Variants in NALCN observed in about 807,000 individuals in gnomAD.
NALCN encodes the protein sodium leak channel NALCN.
NALCN carries 111 observed loss-of-function variants against 225.3 expected under a neutral mutation model. That is an observed-to-expected ratio of 0.49 (90% CI 0.42 to 0.58). The LOEUF is 0.58. Ranked by LOEUF, NALCN falls within the 20% of genes least tolerant of loss-of-function variation. NALCN has a pLI of 0.00. For synonymous variants in NALCN, 764 were observed against 769.0 expected (o/e 0.99, Z 0.11); for missense variants, 1,378 against 2,202.4 (o/e 0.63, Z 7.49).
intron 14 of NALCN, among the ~76,000 whole-genome samples, chr13:101,191,037 G>A (rs1009332351): frequency 6.6e-6 from 1 of 152,036 alleles, no homozygotes; most frequent in Non-Finnish European, 1.5e-5. Flanking sequence ...CTATCTAATC[G>A]GGTGTTCCAA....
chr13:101,267,465 G>A (rs768909733), intron 10 of NALCN, among the ~76,000 whole-genome samples: 8 of 152,160 alleles, frequency 5.3e-5, no homozygotes, highest in Non-Finnish European at 8.8e-5. Context: ...ACACATCCTT[G>A]GCAGTATCCT....
chr13:101,298,068 TCTA>T (rs1432767331), intron 7 of NALCN, among the ~76,000 whole-genome samples: 1 of 152,200 alleles, frequency 6.6e-6, no homozygotes, highest in Non-Finnish European at 1.5e-5. Context: ...CAATGAACTG[TCTA>T]CTGTCAGTCA....
intron 10 of NALCN, among the ~76,000 whole-genome samples, chr13:101,274,196 C>T (rs1198447970): frequency 6.6e-6 from 1 of 152,158 alleles, no homozygotes; most frequent in East Asian, 1.9e-4. Context: ...TAGAACACCT[C>T]TCTCACGTGT....
intron 7 of NALCN, among the ~76,000 whole-genome samples, chr13:101,321,088 G>A (rs2044731996): frequency 6.6e-6 from 1 of 151,768 alleles, no homozygotes; most frequent in Non-Finnish European, 1.5e-5. Flanking sequence ...TTTTTCTTTT[G>A]TCCCACAAGC....
chr13:101,062,182 C>T (rs1290993759), intron 40 of NALCN, 64 bp from the exon 41 acceptor site: 11 of 1,558,572 alleles, frequency 7.1e-6, no homozygotes, highest in African/African-American at 2.7e-5. Flanking sequence ...CCCTTAGATA[C>T]GTCAAAATCC....
intron 7 of NALCN, among the ~76,000 whole-genome samples, chr13:101,312,428 T>C (rs1315458995): frequency 2.6e-5 from 4 of 151,894 alleles, no homozygotes; most frequent in African/African-American, 9.7e-5. Flanking sequence ...GCTCTTGCTT[T>C]TCTAGTTCTT....
intron 10 of NALCN, among the ~76,000 whole-genome samples, chr13:101,281,061 A>G (rs898894776): frequency 5.9e-5 from 9 of 152,102 alleles, no homozygotes; most frequent in African/African-American, 2.2e-4. Flanking sequence ...TTGGATTTTT[A>G]GTAGAGATGG....
intron 6 of NALCN, among the ~76,000 whole-genome samples, chr13:101,375,416 A>T (rs1370131872): frequency 6.6e-6 from 1 of 152,174 alleles, no homozygotes; most frequent in African/African-American, 2.4e-5. Flanking sequence ...GTCTATACTC[A>T]CAGAGATATT....
intron 17 of NALCN, among the ~76,000 whole-genome samples, chr13:101,128,969 T>C (rs946542094): frequency 5.3e-5 from 8 of 152,198 alleles, no homozygotes; most frequent in African/African-American, 1.9e-4. Context: ...GGTTTCATCA[T>C]ACAGACTCTG....
chr13:101,290,091 C>A (rs1214626524), intron 9 of NALCN, among the ~76,000 whole-genome samples: 2 of 152,142 alleles, frequency 1.3e-5, no homozygotes, highest in African/African-American at 4.8e-5. Flanking sequence ...AATATCTAGA[C>A]GCATTACCTC....
At chr13:101,367,986 ATTTATTTTAT>A (rs60539617) in intron 6 of NALCN, among the ~76,000 whole-genome samples, 2 of 148,240 alleles carry the variant, frequency 1.3e-5, no homozygotes, top group Non-Finnish European at 3.0e-5. Flanking sequence ...CTTTTTTGAA[ATTTATTTTAT>A]TTTATTTTAT....
At chr13:101,145,329 G>A (rs946952046) in intron 15 of NALCN, among the ~76,000 whole-genome samples, 1 of 152,198 alleles carries the variant, frequency 6.6e-6, no homozygotes, top group Admixed American at 6.5e-5. Context: ...ATACTAAGTA[G>A]TAGCATTTGT....
chr13:101,260,246 T>A (rs749550730), intron 10 of NALCN, among the ~76,000 whole-genome samples: 4 of 152,216 alleles, frequency 2.6e-5, no homozygotes, highest in Non-Finnish European at 5.9e-5. Flanking sequence ...ATTACGCATA[T>A]GTACTGTATT....
chr13:101,135,485 G>A (rs1407727248), intron 17 of NALCN, among the ~76,000 whole-genome samples: 8 of 152,100 alleles, frequency 5.3e-5, no homozygotes, highest in African/African-American at 9.7e-5. Context: ...TGCAACCTCC[G>A]CCCCCTGGGC....
intron 3 of NALCN, among the ~76,000 whole-genome samples, chr13:101,381,493 A>G (rs938389841): frequency 2.0e-5 from 3 of 152,166 alleles, no homozygotes; most frequent in African/African-American, 4.8e-5. Context: ...AAATACAGAT[A>G]ACATAGCCCA....
intron 2 of NALCN, 43 bp downstream of exon 2, chr13:101,398,976 T>G: frequency 8.2e-7 from 1 of 1,222,076 alleles, no homozygotes; most frequent in East Asian, 2.3e-5. Context: ...CACATTTATC[T>G]CACATCCACA....
chr13:101,364,422 C>T lies in NALCN; in HGVS notation c.644+12278G>A, dbSNP rs559491122. ...GCCATAAAAATGAGTGAAATCCTGA[C>T]GTTTGCAGCTGCATGGACAGAACTG... On this transcript the variant is annotated intron_variant, in intron 6 of 43. Coordinates refer to ENST00000251127, the MANE Select transcript of NALCN (RefSeq NM_052867.4). Among the ~76,000 whole-genome samples, 6 of 152,218 alleles carry T rather than the reference C, an allele frequency of 3.9e-5. No individual in the cohort carries two copies. The East Asian group carries it at 9.6e-4, about 24-fold the overall frequency.
intron 11 of NALCN, among the ~76,000 whole-genome samples, chr13:101,239,327 C>A (rs1464355174): frequency 6.6e-6 from 1 of 151,758 alleles, no homozygotes; most frequent in African/African-American, 2.4e-5. Flanking sequence ...ATATTACATA[C>A]AGTTCTATGA....
At chr13:101,078,181 C>T (rs193097640) in intron 34 of NALCN, among the ~76,000 whole-genome samples, 65 of 152,290 alleles carry the variant, frequency 4.3e-4, no homozygotes, top group African/African-American at 1.6e-3. Context: ...CATGGAGAAC[C>T]TCTGCTGGGG....
Sources: allele counts gnomAD v4.1 joint callset (sites outside exome capture counted in the v4.1 genomes callset), GRCh38; gene constraint gnomAD v4.1.1; transcripts MANE v1.5; gene names NCBI Gene and HGNC (gene_info 2026-07-23, HGNC 2026-07-21).